Variants in NAALADL2 observed in about 807,000 individuals in gnomAD.
NAALADL2 encodes the protein N-acetylated alpha-linked acidic dipeptidase like 2, also known as inactive N-acetylated-alpha-linked acidic dipeptidase-like protein 2.
A neutral mutation model predicts 87.2 loss-of-function variants in NAALADL2; 76 were observed. The observed-to-expected ratio is 0.87, with a 90% CI of 0.72 to 1.05. The LOEUF (loss-of-function observed/expected upper bound fraction) is 1.05, where lower values mean the gene tolerates loss of function less well. NAALADL2 is among the 50% of genes least tolerant of loss of function. The pLI is 0.00. For synonymous variants in NAALADL2, 354 were observed against 331.0 expected (o/e 1.07, Z -0.75); for missense variants, 1,089 against 945.8 (o/e 1.15, Z -1.99).
At chr3:175,456,466 C>T (rs1722337486) in intron 6 of NAALADL2, among the ~76,000 whole-genome samples, 1 of 151,574 alleles carries the variant, frequency 6.6e-6, no homozygotes, top group Non-Finnish European at 1.5e-5. Context: ...ACTACCAATA[C>T]ACACACACAC....
intron 2 of NAALADL2, among the ~76,000 whole-genome samples, chr3:174,595,693 C>T (rs1403907863): frequency 2.0e-5 from 3 of 152,110 alleles, no homozygotes; most frequent in Non-Finnish European, 4.4e-5. Flanking sequence ...TAATACATGG[C>T]CAAGTCTCTC....
chr3:175,000,874 CT>C (rs1425949417), intron 1 of NAALADL2, among the ~76,000 whole-genome samples: 1 of 152,048 alleles, frequency 6.6e-6, no homozygotes, highest in African/African-American at 2.4e-5. Flanking sequence ...GAAACTTGAC[CT>C]TAGAGAGGCC....
intron 1 of NAALADL2, among the ~76,000 whole-genome samples, chr3:174,946,074 A>G (rs988054455): frequency 2.1e-5 from 3 of 142,156 alleles, no homozygotes; most frequent in African/African-American, 7.8e-5. Flanking sequence ...AAAAAAAATT[A>G]TTCAGAATGA....
intron 6 of NAALADL2, among the ~76,000 whole-genome samples, chr3:175,460,638 ATAAAG>A (rs1218771939): frequency 1.3e-5 from 2 of 152,218 alleles, no homozygotes; most frequent in Non-Finnish European, 2.9e-5. Flanking sequence ...CTCTCAAAAA[ATAAAG>A]TAAAATATAA....
chr3:175,649,794 A>T (rs1441224792), intron 11 of NAALADL2, among the ~76,000 whole-genome samples: 1 of 152,112 alleles, frequency 6.6e-6, no homozygotes, highest in Non-Finnish European at 1.5e-5. Context: ...GGTGGTTAGG[A>T]TTTCAACATA....
At chr3:174,734,670 G>T (rs1733017667) in intron 2 of NAALADL2, among the ~76,000 whole-genome samples, 1 of 152,108 alleles carries the variant, frequency 6.6e-6, no homozygotes, top group Non-Finnish European at 1.5e-5. Context: ...TCATGTATTA[G>T]CCTAGTTAGG....
intron 6 of NAALADL2, among the ~76,000 whole-genome samples, chr3:175,451,517 A>G (rs186488597): frequency 1.3e-5 from 2 of 152,258 alleles, no homozygotes; most frequent in Non-Finnish European, 2.9e-5. Flanking sequence ...AAAACATGGA[A>G]AGCTTAATTT....
chr3:175,731,637 C>G (rs997072101), intron 11 of NAALADL2, among the ~76,000 whole-genome samples: 1 of 152,272 alleles, frequency 6.6e-6, no homozygotes, highest in South Asian at 2.1e-4. Flanking sequence ...GTATACAAAT[C>G]TTCCTCTTGC....
At chr3:175,339,958 C>T (rs1008281260) in intron 5 of NAALADL2, among the ~76,000 whole-genome samples, 7 of 152,110 alleles carry the variant, frequency 4.6e-5, no homozygotes, top group Admixed American at 3.9e-4. Context: ...AACCTCAACA[C>T]ATCATTATTT....
upstream of NAALADL2, among the ~76,000 whole-genome samples, chr3:174,855,978 G>GTATA (rs1284447372): frequency 6.0e-5 from 5 of 83,282 alleles, no homozygotes; most frequent in African/African-American, 2.9e-4. Flanking sequence ...GTGTGTGTGT[G>GTATA]TGTATATATA....
intron 2 of NAALADL2, among the ~76,000 whole-genome samples, chr3:174,690,384 A>G (rs536142740): frequency 1.3e-5 from 2 of 152,308 alleles, no homozygotes; most frequent in East Asian, 3.9e-4. Context: ...AGTATCATTA[A>G]TTAACATTTA....
At chr3:175,629,373 TG>T (rs1727452848) in intron 11 of NAALADL2, among the ~76,000 whole-genome samples, 1 of 133,408 alleles carries the variant, frequency 7.5e-6, no homozygotes, top group Non-Finnish European at 1.6e-5. Context: ...TATATATATA[TG>T]AATATATATA....
intron 1 of NAALADL2, among the ~76,000 whole-genome samples, chr3:174,885,876 G>GTTTTTTTTTTTTTTTTTTT (rs60403770): frequency 9.8e-6 from 1 of 101,642 alleles, no homozygotes; most frequent in East Asian, 3.0e-4. Flanking sequence ...AGTCCGAGTT[G>GTTTTTTTTTTTTTTTTTTT]TTTTTTTTTT....
rs140782640 is a variant in NAALADL2 at position 174,826,176 on chromosome 3, GTACT to G, written c.-9+88437_-9+88440del. Reference sequence around the variant, plus strand: ...TCCTTACAAAACCCTATTACAATGAGTACTTACTTATTTGATTGTTTACTTTGTT... The same window carrying G: ...TCCTTACAAAACCCTATTACAATGAGTACTTATTTGATTGTTTACTTTGTT... On this transcript the variant is annotated intron_variant, in intron 3 of 3. Coordinates refer to the NAALADL2 transcript ENST00000434257. 9.2e-5 allele frequency among the ~76,000 whole-genome samples: 14 copies of G among 152,240 alleles called. No homozygotes were observed. In the East Asian group the frequency reaches 1.5e-3, roughly 17 times the overall value.
chr3:175,250,752 T>G (rs1454014009), intron 3 of NAALADL2, among the ~76,000 whole-genome samples: 1 of 152,196 alleles, frequency 6.6e-6, no homozygotes, highest in Non-Finnish European at 1.5e-5. Flanking sequence ...ACAGTGACAA[T>G]GCAAGATTGC....
chr3:175,723,828 G>C (rs1306912290), intron 11 of NAALADL2, among the ~76,000 whole-genome samples: 2 of 151,978 alleles, frequency 1.3e-5, no homozygotes, highest in South Asian at 4.2e-4. Flanking sequence ...TCACTTACCT[G>C]TTCCTCTTAC....
At chr3:174,572,202 C>T (rs1715010219) in intron 2 of NAALADL2, among the ~76,000 whole-genome samples, 1 of 152,072 alleles carries the variant, frequency 6.6e-6, no homozygotes, top group Non-Finnish European at 1.5e-5. Flanking sequence ...GATCTTGGCT[C>T]ACTGCAACCT....
At chr3:174,848,627 T>A (rs1724901774) in intron 3 of NAALADL2, among the ~76,000 whole-genome samples, 1 of 152,188 alleles carries the variant, frequency 6.6e-6, no homozygotes, top group Non-Finnish European at 1.5e-5. Context: ...TTTATAATTA[T>A]GTCAGTTTCA....
chr3:174,882,805 A>C (rs912766328), intron 1 of NAALADL2, among the ~76,000 whole-genome samples: 1 of 103,940 alleles, frequency 9.6e-6, no homozygotes, highest in Non-Finnish European at 1.8e-5. Flanking sequence ...ACACGTGTGT[A>C]TATGTGCATA....
Sources: gnomAD v4.1 joint callset for allele counts (sites outside exome capture counted in the v4.1 genomes callset) on GRCh38, gnomAD v4.1.1 for gene constraint, MANE v1.5 for transcripts, NCBI Gene and HGNC (gene_info 2026-07-23, HGNC 2026-07-21) for gene names.